Variants in ZC3H8 observed in about 807,000 individuals in gnomAD.
ZC3H8 encodes zinc finger CCCH domain-containing protein 8.
A neutral mutation model predicts 42.5 loss-of-function variants in ZC3H8; 27 were observed. That is an observed-to-expected ratio of 0.64 (90% CI 0.47 to 0.88). The LOEUF (loss-of-function observed/expected upper bound fraction) is 0.88, where lower values mean the gene tolerates loss of function less well. Among genes scored for constraint, ZC3H8 ranks in the 40% least tolerant of loss-of-function variants. ZC3H8 has a pLI of 0.00. For synonymous variants in ZC3H8, 101 were observed against 110.1 expected (o/e 0.92, Z 0.52); for missense variants, 277 against 336.1 (o/e 0.82, Z 1.37).
In ZC3H8 at chr2:112,255,042, T is replaced by A. The variant is rs532640667; in HGVS notation, c.-61A>T. ...GCTACAGAGTAACAACCCGAGAGAG[T>A]GACAACCCGGACGCGACGAGACGGA... On this transcript the variant is annotated 5_prime_UTR_variant, in exon 1 of 9. Coordinates refer to ENST00000409573, the MANE Select transcript of ZC3H8 (RefSeq NM_032494.3). 2 of 1,523,260 alleles carry A rather than the reference T, an allele frequency of 1.3e-6. No individual in the cohort carries two copies. The highest frequency in any genetic ancestry group is 1.8e-6 in the Non-Finnish European group (2 of 1,130,948). The allele number at this position is 1,523,260 out of a possible 1,614,324, so 94.4% of individuals were successfully genotyped here.
In ZC3H8 at chr2:112,254,971, T is replaced by C; in HGVS notation, c.11A>G (p.Glu4Gly). Residue 4 changes from glutamate to glycine, a missense_variant, in exon 1 of 9, where the codon GAG becomes GGG. Coordinates refer to ENST00000409573, the MANE Select transcript of ZC3H8 (RefSeq NM_032494.3). MDF[E>G]NLFSKPPNPA... The stretch of plus-strand genomic sequence containing the variant: ...GTTGGGGGGTTTTGAGAAAAGATTC[T>C]CAAAATCCATGACCCAGACAGGTCC... 1 of 1,610,490 alleles carries C rather than the reference T, an allele frequency of 6.2e-7. No homozygotes were observed.
chr2:112,236,612 C>T lies in ZC3H8; in HGVS notation c.454G>A (p.Gly152Arg). ...AGCAAAGCATTTGATCCTTTGTTTC[C>T]AGGGCCAGGCCATTTTCGCTTCATT... ...KKMKRKWPGP[G>R]NKGSNALLRN... Residue 152 changes from glycine to arginine, a missense_variant, in exon 4 of 9, where the codon GGA (glycine) becomes AGA (arginine). Coordinates refer to ENST00000409573, the MANE Select transcript of ZC3H8 (RefSeq NM_032494.3). 6.2e-7 allele frequency: 1 copy of T among 1,613,994 alleles called. No homozygotes were observed. Among genetic ancestry groups the T allele is most frequent in the South Asian group, 1.1e-5 (1 of 91,086 alleles).
intron 8 of ZC3H8, among the ~76,000 whole-genome samples, chr2:112,226,413 C>A (rs1684839422): frequency 6.6e-6 from 1 of 151,486 alleles, no homozygotes; most frequent in African/African-American, 2.4e-5. Context: ...ACGGTGAAAC[C>A]CCGTCTCTAC....
chr2:112,249,871 T>G (rs1469614883), intron 2 of ZC3H8, among the ~76,000 whole-genome samples: 1 of 152,224 alleles, frequency 6.6e-6, no homozygotes, highest in Non-Finnish European at 1.5e-5. Context: ...TCAAAAATGT[T>G]AACCCAACTT....
Position 112,238,316 on chromosome 2 carries a change from C to A in ZC3H8, c.369G>T (p.Gln123His), listed in dbSNP as rs112280995. The A allele has an allele frequency of 6.2e-7, 1 of 1,612,938 alleles. No homozygotes were observed. The highest frequency in any genetic ancestry group is 8.5e-7 in the Non-Finnish European group (1 of 1,179,600). The change falls in exon 3 of 9, where the codon CAG (glutamine) becomes CAT (histidine). Residue 123 changes from glutamine (Q) to histidine (H), a missense_variant and splice_region_variant. By Grantham distance (24) the Gln-to-His change is conservative. Coordinates refer to ENST00000409573, the MANE Select transcript of ZC3H8 (RefSeq NM_032494.3). ...TKKEGVKDTP[Q>H]AAKQKNKNLK... ...ATGATAAAATAGTTTGACTCTTACC[C>A]TGTGGGGTATCTTTTACTCCTTCTT...
At chr2:112,226,589 C>CAAAAAAAAAAAAAA (rs549996878) in intron 8 of ZC3H8, among the ~76,000 whole-genome samples, 8 of 74,170 alleles carry the variant, frequency 1.1e-4, no homozygotes, top group Admixed American at 1.5e-4. Context: ...GACTCCATCT[C>CAAAAAAAAAAAAAA]AAAAAAAAAA....
At chr2:112,226,321 G>A (rs1684831055) in intron 8 of ZC3H8, among the ~76,000 whole-genome samples, 1 of 151,992 alleles carries the variant, frequency 6.6e-6, no homozygotes, top group East Asian at 1.9e-4. Flanking sequence ...GGGCGCGGTA[G>A]CTCACGCCTG....
At chr2:112,240,789 C>T (rs1470025644) in intron 2 of ZC3H8, among the ~76,000 whole-genome samples, 2 of 152,166 alleles carry the variant, frequency 1.3e-5, no homozygotes, top group African/African-American at 4.8e-5. Context: ...TAGCTATAAA[C>T]TCATTGCTTC....
intron 2 of ZC3H8, among the ~76,000 whole-genome samples, chr2:112,245,740 G>A (rs1037538879): frequency 6.6e-6 from 1 of 152,098 alleles, no homozygotes; most frequent in Non-Finnish European, 1.5e-5. Context: ...ATTGATGAAG[G>A]TGGCCACACT....
rs929351859 is a variant in ZC3H8 at position 112,212,826 on chromosome 2, A to C, written c.*3658T>G. 2.0e-5 allele frequency: 3 copies of C among 152,198 alleles called. No homozygotes were observed. The highest frequency in any genetic ancestry group is 4.4e-5 in the Non-Finnish European group (3 of 68,036). 9.4% of individuals were successfully genotyped at this position (152,198 alleles called of 1,614,324 possible). A position where few individuals can be genotyped will look rare whatever the true frequency, so the allele number is the denominator to read the frequency against. On this transcript the variant is annotated 3_prime_UTR_variant, in exon 9 of 9. Transcript: ENST00000409573. Reference sequence around the variant, plus strand: ...CAATCCTAGCATTCAGCAGGTGCTCAACCTGAGATATTCTGATCTTGCCAA... The same window carrying C: ...CAATCCTAGCATTCAGCAGGTGCTCCACCTGAGATATTCTGATCTTGCCAA...
At chr2:112,238,205 CAT>C (rs1295130874) in intron 3 of ZC3H8, 108 bp downstream of exon 3, 18 of 1,127,854 alleles carry the variant, frequency 1.6e-5, no homozygotes, top group Admixed American at 2.5e-5. Flanking sequence ...TCATGAAAAC[CAT>C]AGTCTTATCA....
At chr2:112,225,076 C>T (rs1684758445) in intron 8 of ZC3H8, among the ~76,000 whole-genome samples, 1 of 152,118 alleles carries the variant, frequency 6.6e-6, no homozygotes, top group Non-Finnish European at 1.5e-5. Context: ...CATTTTGAGA[C>T]TGTTCACTGG....
chr2:112,239,417 A>T (rs936682887), intron 2 of ZC3H8, among the ~76,000 whole-genome samples: 3 of 152,200 alleles, frequency 2.0e-5, no homozygotes, highest in Non-Finnish European at 2.9e-5. Context: ...CATGCCTATC[A>T]TTACAGTGGA....
At chr2:112,240,984 T>TGTGTGTGC (rs1159922548) in intron 2 of ZC3H8, among the ~76,000 whole-genome samples, 2 of 132,332 alleles carry the variant, frequency 1.5e-5, no homozygotes, top group African/African-American at 6.0e-5. Flanking sequence ...TGTGTGTGTG[T>TGTGTGTGC]GCGCGTGTGT....
chr2:112,223,623 G>T (rs971995356), intron 8 of ZC3H8, among the ~76,000 whole-genome samples: 1 of 152,040 alleles, frequency 6.6e-6, no homozygotes, highest in African/African-American at 2.4e-5. Context: ...AAAATGTATA[G>T]GTTTAGATGT....
At chr2:112,242,786 C>G (rs1685631071) in intron 2 of ZC3H8, among the ~76,000 whole-genome samples, 1 of 152,174 alleles carries the variant, frequency 6.6e-6, no homozygotes, top group Non-Finnish European at 1.5e-5. Flanking sequence ...CAGCTCTCTT[C>G]TGATTAAAAT....
intron 3 of ZC3H8, among the ~76,000 whole-genome samples, chr2:112,237,238 A>T (rs897252869): frequency 1.3e-5 from 2 of 152,208 alleles, no homozygotes; most frequent in Non-Finnish European, 2.9e-5. Flanking sequence ...TTAAAAATAT[A>T]TAAGGTATTG....
intron 1 of ZC3H8, chr2:112,254,162 G>T: frequency 1.0e-6 from 1 of 984,906 alleles, no homozygotes; most frequent in Non-Finnish European, 1.2e-6. Context: ...GACCAATATC[G>T]AATGGTAAAA....
chr2:112,236,448 C>G lies in ZC3H8; in HGVS notation c.504+114G>C, dbSNP rs2104658345. 9 of 1,408,248 alleles carry G rather than the reference C, an allele frequency of 6.4e-6. No individual in the cohort carries two copies. In the South Asian group the frequency reaches 1.2e-4, roughly 18 times the overall value. 87.2% of individuals were successfully genotyped at this position (1,408,248 alleles called of 1,614,324 possible). On this transcript the variant is annotated intron_variant, in intron 4 of 8. Coordinates refer to ENST00000409573, the MANE Select transcript of ZC3H8 (RefSeq NM_032494.3). ...GGACATCTTCATCCGAAAACCGATT[C>G]TGTGGGATGCTTCCACCTCTCCATA...
Sources: gnomAD v4.1 joint callset for allele counts (sites outside exome capture counted in the v4.1 genomes callset) on GRCh38, gnomAD v4.1.1 for gene constraint, MANE v1.5 for transcripts, NCBI Gene and HGNC (gene_info 2026-07-23, HGNC 2026-07-21) for gene names.